Variants in FNIP2 observed in about 807,000 individuals in gnomAD.
FNIP2 encodes folliculin interacting protein 2, also known as folliculin-interacting protein 2.
FNIP2 carries 32 observed loss-of-function variants against 108.7 expected under a neutral mutation model. The ratio of observed to expected loss-of-function variants is 0.29; its 90% CI spans 0.22 to 0.40. The LOEUF (loss-of-function observed/expected upper bound fraction) is 0.40. Ranked by LOEUF, FNIP2 falls within the 10% of genes least tolerant of loss-of-function variation. The pLI, the probability that FNIP2 is intolerant of heterozygous loss-of-function variation, is 1.00. For synonymous variants in FNIP2, 480 were observed against 496.7 expected, an observed-to-expected ratio of 0.97 and a Z score of 0.45; for missense variants, 1,202 against 1,381.6, an observed-to-expected ratio of 0.87 and a Z score of 2.06.
chr4:158,855,401 C>A (rs922472944), intron 8 of FNIP2, among the ~76,000 whole-genome samples: 1 of 152,112 alleles, frequency 6.6e-6, no homozygotes, highest in East Asian at 1.9e-4. Flanking sequence ...TGCTGAACAC[C>A]GAGAACATGA....
intron 1 of FNIP2, among the ~76,000 whole-genome samples, chr4:158,804,059 C>T (rs562287779): frequency 6.6e-6 from 1 of 152,262 alleles, no homozygotes; most frequent in Admixed American, 6.5e-5. Flanking sequence ...CTGCCTCAGC[C>T]TCCGAGTAGC....
rs1310047824 is a variant in FNIP2, at chr4:158,908,045, C to T, written c.*3501C>T. 1.3e-5 allele frequency: 2 copies of T among 152,084 alleles called. No homozygotes were observed. The highest frequency in any genetic ancestry group is 2.9e-5 in the Non-Finnish European group (2 of 68,030). 9.4% of individuals were successfully genotyped at this position (152,084 alleles called of 1,614,324 possible). The stretch of plus-strand genomic sequence containing the variant: ...GGTGCAATAAAACTTTTGAATTTAT[C>T]TTGAACATTTTCCTGGTGCTGCATG... On this transcript the variant is annotated 3_prime_UTR_variant, in exon 17 of 17. Transcript: ENST00000264433.
chr4:158,773,653 A>AT (rs1203255211), intron 1 of FNIP2, among the ~76,000 whole-genome samples: 8 of 152,144 alleles, frequency 5.3e-5, no homozygotes, highest in Non-Finnish European at 1.2e-4. Flanking sequence ...AAATGGAACC[A>AT]TTTTTCAGAG....
chr4:158,879,375 C>T (rs778946528), intron 14 of FNIP2, among the ~76,000 whole-genome samples: 9 of 150,646 alleles, frequency 6.0e-5, no homozygotes, highest in East Asian at 1.9e-4. Flanking sequence ...GTGCTGAGAA[C>T]GTGCGCACAA....
intron 7 of FNIP2, among the ~76,000 whole-genome samples, chr4:158,848,094 C>T (rs574122275): frequency 6.6e-6 from 1 of 152,350 alleles, no homozygotes; most frequent in South Asian, 2.1e-4. Flanking sequence ...ACAAGCCTGG[C>T]TGGCTTCACA....
chr4:158,869,295 A>G lies in FNIP2; in HGVS notation c.2659A>G (p.Ile887Val), dbSNP rs1780786345. The stretch of plus-strand genomic sequence containing the variant: ...GGCCAACTTCAGGACTGAAGGAGAC[A>G]TTCCCCGAAATGAAAGCTCAGATAG... The part of the protein sequence containing the change: ...KKANFRTEGD[I>V]PRNESSDSAL... Residue 887 changes from isoleucine to valine, a missense_variant, in exon 13 of 17, where the codon ATT becomes GTT. Physicochemically the swap from Ile to Val is conservative, Grantham distance 29. Coordinates refer to ENST00000264433, the MANE Select transcript of FNIP2 (RefSeq NM_020840.3). 1 of 1,613,864 alleles carries G rather than the reference A, an allele frequency of 6.2e-7. No homozygotes were observed. The highest frequency in any genetic ancestry group is 8.5e-7 in the Non-Finnish European group (1 of 1,179,880).
intron 16 of FNIP2, among the ~76,000 whole-genome samples, chr4:158,897,963 G>T (rs1323845141): frequency 6.6e-6 from 1 of 152,094 alleles, no homozygotes; most frequent in Non-Finnish European, 1.5e-5. Context: ...GGGTTTTTAT[G>T]GTTTTAGGTC....
chr4:158,902,705 G>A (rs926297572), intron 16 of FNIP2, among the ~76,000 whole-genome samples: 2 of 152,222 alleles, frequency 1.3e-5, no homozygotes, highest in Admixed American at 1.3e-4. Flanking sequence ...ATCTAGAGAG[G>A]CAGTCTGGCC....
At chr4:158,776,566 C>T (rs1775867860) in intron 1 of FNIP2, among the ~76,000 whole-genome samples, 1 of 152,170 alleles carries the variant, frequency 6.6e-6, no homozygotes, top group Non-Finnish European at 1.5e-5. Flanking sequence ...TACTCAAGTT[C>T]TTTTATAAAA....
intron 12 of FNIP2, 137 bp downstream of exon 12, chr4:158,861,913 T>C (rs1392233477): frequency 1.6e-5 from 16 of 1,026,496 alleles, no homozygotes; most frequent in Non-Finnish European, 2.0e-5. Context: ...AGGAAGTTGG[T>C]CCCTGGATTC....
At chr4:158,902,857 G>A (rs189959123) in intron 16 of FNIP2, among the ~76,000 whole-genome samples, 101 of 152,294 alleles carry the variant, frequency 6.6e-4, no homozygotes, top group Non-Finnish European at 9.9e-4. Flanking sequence ...AAACGTCCCA[G>A]GTCGACCTCA....
intron 1 of FNIP2, among the ~76,000 whole-genome samples, chr4:158,812,924 T>C (rs1475670182): frequency 6.6e-6 from 1 of 151,794 alleles, no homozygotes; most frequent in Non-Finnish European, 1.5e-5. Context: ...AGGCAACCAC[T>C]TGTCTTTTTA....
chr4:158,846,676 G>C (rs974323769), intron 7 of FNIP2, among the ~76,000 whole-genome samples: 3 of 152,132 alleles, frequency 2.0e-5, no homozygotes, highest in Admixed American at 6.5e-5. Flanking sequence ...ACAAAATACA[G>C]GTTAACAAGA....
At chr4:158,804,365 T>C (rs1232186189) in intron 1 of FNIP2, among the ~76,000 whole-genome samples, 1 of 151,772 alleles carries the variant, frequency 6.6e-6, no homozygotes, top group Non-Finnish European at 1.5e-5. Flanking sequence ...CAGACTAATA[T>C]GCAAATAATT....
At position 158,861,695 on chromosome 4, in the gene FNIP2, G is replaced by A. The variant is rs1453569721; in HGVS notation, c.1384G>A (p.Ala462Thr). ...GCCTGTGGATCACCCTCCCATCAAA[G>A]CCTTCTCAGAGAAACGTACCTCCCA... ...VMPVDHPPIKAFSEKRTSQSV... is the reference protein window; with the variant it reads ...VMPVDHPPIKTFSEKRTSQSV... Residue 462 changes from alanine (A) to threonine (T), a missense_variant, in exon 12 of 17, where the codon GCC becomes ACC. By Grantham distance (58) the Ala-to-Thr change is moderately conservative. Coordinates refer to ENST00000264433, the MANE Select transcript of FNIP2 (RefSeq NM_020840.3). 1 of 1,613,976 alleles carries A rather than the reference G, an allele frequency of 6.2e-7. No individual in the cohort carries two copies. The highest frequency in any genetic ancestry group is 1.1e-5 in the South Asian group (1 of 91,082).
chr4:158,892,435 AACAG>A (rs1782340210), intron 15 of FNIP2, among the ~76,000 whole-genome samples: 2 of 152,190 alleles, frequency 1.3e-5, no homozygotes, highest in South Asian at 4.1e-4. Flanking sequence ...AAATACAAAC[AACAG>A]ACAGAGCCTA....
chr4:158,859,701 A>T, intron 10 of FNIP2, 35 bp downstream of exon 10: 1 of 1,529,152 alleles, frequency 6.5e-7, no homozygotes. Context: ...CCAACAGGAG[A>T]TGTTTATGAG....
intron 1 of FNIP2, among the ~76,000 whole-genome samples, chr4:158,797,996 A>G (rs1359145011): frequency 2.0e-5 from 3 of 152,292 alleles, no homozygotes; most frequent in East Asian, 3.9e-4. Flanking sequence ...TATCCTGTTT[A>G]CAACTATTTA....
chr4:158,907,651 A>T lies in FNIP2; in HGVS notation c.*3107A>T, dbSNP rs1254336566. 1 of 152,214 alleles carries T rather than the reference A, an allele frequency of 6.6e-6. No homozygotes were observed. The highest frequency in any genetic ancestry group is 1.5e-5 in the Non-Finnish European group (1 of 68,042). The allele number at this position is 152,214 out of a possible 1,614,324, so 9.4% of individuals were successfully genotyped here. On this transcript the variant is annotated 3_prime_UTR_variant, in exon 17 of 17. Coordinates refer to ENST00000264433, the MANE Select transcript of FNIP2 (RefSeq NM_020840.3). ...ACTTTAGAGAATATTTTGTTCATGCATACTTCCACGTTAAATTGAAAATGT... is the reference window on the plus strand; with the variant it reads ...ACTTTAGAGAATATTTTGTTCATGCTTACTTCCACGTTAAATTGAAAATGT...
Sources: gnomAD v4.1 joint callset for allele counts (sites outside exome capture counted in the v4.1 genomes callset) on GRCh38, gnomAD v4.1.1 for gene constraint, MANE v1.5 for transcripts, NCBI Gene and HGNC (gene_info 2026-07-23, HGNC 2026-07-21) for gene names.